The following EPB41L1 variants were observed in gnomAD, a reference collection of about 807,000 sequenced individuals.
The protein encoded by EPB41L1 is band 4.1-like protein 1.
Under a neutral mutation model 97.8 loss-of-function variants are expected in EPB41L1, and 29 were observed. That is an observed-to-expected ratio of 0.30 (90% CI 0.22 to 0.40). The LOEUF is 0.40. EPB41L1 is among the 10% of genes least tolerant of loss of function. The pLI, the probability that EPB41L1 is intolerant of heterozygous loss-of-function variation, is 1.00. For synonymous variants in EPB41L1, 383 were observed against 459.2 expected (o/e 0.83, Z 2.12); for missense variants, 812 against 1,162.3 (o/e 0.70, Z 4.38).
In EPB41L1 at chr20:36,206,848, G is replaced by T. The variant is rs1381836550; in HGVS notation, c.1669-2640G>T. ...TGGAGATTTGCTGGGAAAGGCTGAG[G>T]AAAGTCCCACAGAGGAACTGAAGAA... On this transcript the variant is annotated intron_variant, in intron 14 of 21. Transcript: ENST00000338074. This position sits in a 1 kb window ranked among gnomAD's most constrained non-coding sequence, Gnocchi z 5.5. 1 of 1,289,910 alleles carries T rather than the reference G, an allele frequency of 7.8e-7. No individual in the cohort carries two copies. Among genetic ancestry groups the T allele is most frequent in the Admixed American group, 2.3e-5 (1 of 43,574 alleles). 79.9% of individuals were successfully genotyped at this position (1,289,910 alleles called of 1,614,324 possible).
At chr20:36,111,659 C>T (rs1222845958) in intron 1 of EPB41L1, among the ~76,000 whole-genome samples, 2 of 151,856 alleles carry the variant, frequency 1.3e-5, no homozygotes, top group East Asian at 1.9e-4. Context: ...TTGTGGCGCA[C>T]GCCTGTAATC....
At chr20:36,219,736 G>A in intron 18 of EPB41L1, 25 bp from the exon 19 acceptor site, 1 of 1,611,372 alleles carries the variant, frequency 6.2e-7, no homozygotes, top group Non-Finnish European at 8.5e-7. Context: ...TGACACCCTG[G>A]GTGGGGGGTG....
intron 2 of EPB41L1, among the ~76,000 whole-genome samples, chr20:36,114,474 ATAATAC>A (rs1218521604): frequency 6.6e-6 from 1 of 152,304 alleles, no homozygotes; most frequent in African/African-American, 2.4e-5. Context: ...AAGAGTAGTT[ATAATAC>A]TGGCTTCTGC....
At chr20:36,194,146 C>T in intron 11 of EPB41L1, 66 bp from the exon 12 acceptor site, 1 of 1,607,724 alleles carries the variant, frequency 6.2e-7, no homozygotes, top group Non-Finnish European at 8.5e-7. Flanking sequence ...CAGGGCTGGG[C>T]TGGTTCTCTG....
At chr20:36,223,035 C>T (rs373781710) in intron 21 of EPB41L1, among the ~76,000 whole-genome samples, 2 of 152,044 alleles carry the variant, frequency 1.3e-5, no homozygotes, top group African/African-American at 4.8e-5. Context: ...CAGCTGGGAC[C>T]ACAGGCGCCC....
intron 9 of EPB41L1, among the ~76,000 whole-genome samples, chr20:36,188,806 C>A (rs1304141574): frequency 6.6e-6 from 1 of 150,844 alleles, no homozygotes; most frequent in African/African-American, 2.4e-5. Context: ...ATGGTGAAAC[C>A]CCGTCTCTAC....
At chr20:36,183,621 T>C (rs1265751983) in intron 6 of EPB41L1, among the ~76,000 whole-genome samples, 1 of 152,234 alleles carries the variant, frequency 6.6e-6, no homozygotes, top group Non-Finnish European at 1.5e-5. Flanking sequence ...CTAGCACAGA[T>C]GGCCCCAGGA....
intron 20 of EPB41L1, 103 bp from the exon 21 acceptor site, chr20:36,222,175 G>A (rs1601091114): frequency 8.7e-7 from 1 of 1,145,842 alleles, no homozygotes; most frequent in Admixed American, 1.7e-5. Context: ...CCCTCTCTGG[G>A]CCTCAGTTTT....
At chr20:36,172,956 T>C (rs1482065666) in intron 1 of EPB41L1, among the ~76,000 whole-genome samples, 1 of 152,210 alleles carries the variant, frequency 6.6e-6, no homozygotes. Flanking sequence ...TCTCTTTCTC[T>C]CTCTGTAACT....
rs938231499 is a variant in EPB41L1 at position 36,224,885 on chromosome 20, G to A, written c.2637+2491G>A. On this transcript the variant is annotated intron_variant, in intron 21 of 21. Coordinates refer to ENST00000338074, the MANE Select transcript of EPB41L1 (RefSeq NM_012156.2). ...CACCCAGGCTGGAGTGCAGTGGCACGATCTTGGCTTACTCCAGCCTCCACC... is the reference window on the plus strand; with the variant it reads ...CACCCAGGCTGGAGTGCAGTGGCACAATCTTGGCTTACTCCAGCCTCCACC... Among the ~76,000 whole-genome samples, 9 of 152,070 alleles carry A rather than the reference G, an allele frequency of 5.9e-5. No homozygotes were observed. In the South Asian group the frequency reaches 8.3e-4, roughly 14 times the overall value.
chr20:36,127,189 G>A (rs2059005793), intron 2 of EPB41L1, among the ~76,000 whole-genome samples: 2 of 152,230 alleles, frequency 1.3e-5, no homozygotes, highest in African/African-American at 2.4e-5. Flanking sequence ...AAACCAAAGG[G>A]ATTGGGTTGG....
intron 1 of EPB41L1, among the ~76,000 whole-genome samples, chr20:36,095,433 A>G (rs928092186): frequency 2.0e-5 from 3 of 151,898 alleles, no homozygotes; most frequent in African/African-American, 7.3e-5. Context: ...ACTTTAGCCA[A>G]CCCCTTCATG....
rs1307900709 is a variant in EPB41L1, at chr20:36,230,280, T to C, written c.*940T>C. 2.6e-5 allele frequency: 4 copies of C among 152,674 alleles called. No homozygotes were observed. Among genetic ancestry groups the C allele is most frequent in the African/African-American group, 7.2e-5 (3 of 41,460 alleles). The allele number at this position is 152,674 out of a possible 1,614,324, so 9.5% of individuals were successfully genotyped here. A position where few individuals can be genotyped will look rare whatever the true frequency, so the allele number is the denominator to read the frequency against. ...TTTGTACGGATGTGCTTTGAAGTTA[T>C]GTATATTACATATAACAGGAAAAAA... On this transcript the variant is annotated 3_prime_UTR_variant, in exon 22 of 22. Transcript: ENST00000338074.
intron 2 of EPB41L1, among the ~76,000 whole-genome samples, chr20:36,143,884 G>A (rs2059739421): frequency 6.7e-6 from 1 of 149,490 alleles, no homozygotes; most frequent in Non-Finnish European, 1.5e-5. Context: ...ACAGTGTCTC[G>A]CTCTGTTGCC....
intron 15 of EPB41L1, among the ~76,000 whole-genome samples, chr20:36,210,733 C>T (rs2146823478): frequency 6.6e-6 from 1 of 152,312 alleles, no homozygotes; most frequent in African/African-American, 2.4e-5. Context: ...TATCGCCCCC[C>T]TACCCCCTTG....
At chr20:36,108,893 T>C (rs1274664800) in intron 1 of EPB41L1, among the ~76,000 whole-genome samples, 4 of 151,794 alleles carry the variant, frequency 2.6e-5, no homozygotes, top group African/African-American at 9.7e-5. Context: ...CCTTGCCCCT[T>C]GGTGGAATGT....
At chr20:36,215,548 CA>C (rs1310650862) in intron 17 of EPB41L1, among the ~76,000 whole-genome samples, 1 of 152,190 alleles carries the variant, frequency 6.6e-6, no homozygotes. Context: ...ATTTTAAAAT[CA>C]ATAAGTCCAA....
chr20:36,153,073 T>C, upstream of EPB41L1: 1 of 456,732 alleles, frequency 2.2e-6, no homozygotes. Flanking sequence ...ACCGGAAGCT[T>C]TGTCTAAAGA....
intron 5 of EPB41L1, 90 bp from the exon 6 acceptor site, chr20:36,182,181 GA>G (rs2061497663): frequency 7.2e-6 from 8 of 1,116,314 alleles, no homozygotes; most frequent in South Asian, 3.7e-5. Context: ...ATACATAGGA[GA>G]AACTTTGAAA....
Sources: allele counts gnomAD v4.1 joint callset (sites outside exome capture counted in the v4.1 genomes callset), GRCh38; gene constraint gnomAD v4.1.1; non-coding constraint Gnocchi (gnomAD v3.1); transcripts MANE v1.5; gene names NCBI Gene and HGNC (gene_info 2026-07-23, HGNC 2026-07-21).